The following ZNF197 variants were observed in gnomAD, a reference collection of about 807,000 sequenced individuals.
ZNF197 encodes the protein VHL-associated KRAB-A domain-containing protein.
A neutral mutation model predicts 27.4 loss-of-function variants in ZNF197; 14 were observed. That is an observed-to-expected ratio of 0.51 (90% confidence interval 0.34 to 0.80). The LOEUF (loss-of-function observed/expected upper bound fraction) is 0.80. Among genes scored for constraint, ZNF197 ranks in the 30% least tolerant of loss-of-function variants. ZNF197 has a pLI of 0.02. For missense variants in ZNF197, 1,090 were observed against 1,222.6 expected (o/e 0.89, Z 1.62); for synonymous variants, 415 against 420.0 (o/e 0.99, Z 0.15).
chr3:44,637,901 C>G (rs1446297180), intron 5 of ZNF197, among the ~76,000 whole-genome samples: 2 of 152,182 alleles, frequency 1.3e-5, no homozygotes, highest in South Asian at 4.1e-4. Flanking sequence ...TGTGAGTCTT[C>G]CAACTATGTT....
At position 44,643,183 on chromosome 3, in the gene ZNF197, A is replaced by C. The variant is rs1030961176; in HGVS notation, c.2053A>C (p.Lys685Gln). 1 of 1,613,274 alleles carries C rather than the reference A, an allele frequency of 6.2e-7. No homozygotes were observed. Among genetic ancestry groups the C allele is most frequent in the African/African-American group, 1.3e-5 (1 of 74,960 alleles). ...TCTCTATGAATGTAAAGATTGTGGT[A>C]AGGTCTTCGGTTCAAACAGAAACCT... ...ENLYECKDCG[K>Q]VFGSNRNLID... The change falls in exon 6 of 6, where the codon AAG becomes CAG. Residue 685 changes from lysine (K) to glutamine (Q), a missense_variant. Transcript: ENST00000344387.
chr3:44,643,062 C>T lies in ZNF197; in HGVS notation c.1932C>T (p.His644=), dbSNP rs765961526. The T allele has an allele frequency of 6.2e-6, 10 of 1,614,044 alleles. No individual in the cohort carries two copies. The South Asian group carries it at 1.1e-4, about 18-fold the overall frequency. Residue 644 remains histidine, a synonymous_variant, in exon 6 of 6, where the codon CAC becomes CAT. Coordinates refer to ENST00000344387, the MANE Select transcript of ZNF197 (RefSeq NM_006991.5). ...SAYLFDHQRL[H]NGEKPYECNE... ...ACCTTTTTGACCACCAGAGACTCCA[C>T]AATGGGGAGAAGCCCTATGAATGTA...
In ZNF197 at chr3:44,631,110, G is replaced by A. The variant is rs1232730002; in HGVS notation, c.439G>A (p.Ala147Thr). The A allele has an allele frequency of 2.5e-6, 4 of 1,613,944 alleles. No homozygotes were observed. Among genetic ancestry groups the A allele is most frequent in the Non-Finnish European group, 3.4e-6 (4 of 1,180,034 alleles). ...DQDTLQKVVS[A>T]PGTTLPPVLP... The stretch of plus-strand genomic sequence containing the variant: ...GGACACTCTCCAGAAGGTGGTGAGT[G>A]CCCCAGGAACAACACTTCCTCCTGT... The change falls in exon 3 of 6, where the codon GCC becomes ACC. Residue 147 changes from alanine to threonine, a missense_variant. Coordinates refer to ENST00000344387, the MANE Select transcript of ZNF197 (RefSeq NM_006991.5).
intron 5 of ZNF197, among the ~76,000 whole-genome samples, chr3:44,637,700 C>G (rs757357372): frequency 6.6e-6 from 1 of 152,098 alleles, no homozygotes; most frequent in East Asian, 1.9e-4. Context: ...ATCCCAGGCA[C>G]CATTTGTTGA....
Position 44,644,301 on chromosome 3 carries a change from A to T in ZNF197, c.*81A>T. On this transcript the variant is annotated 3_prime_UTR_variant, in exon 6 of 6. Coordinates refer to ENST00000344387, the MANE Select transcript of ZNF197 (RefSeq NM_006991.5). ...TGATATATATTTCTTCTAAGGAAAAAGTTTATTATTTACTCTTTACTAGAC... is the reference window on the plus strand; with the variant it reads ...TGATATATATTTCTTCTAAGGAAAATGTTTATTATTTACTCTTTACTAGAC... 1 of 1,494,876 alleles carries T rather than the reference A, an allele frequency of 6.7e-7. No homozygotes were observed. The highest frequency in any genetic ancestry group is 8.9e-7 in the Non-Finnish European group (1 of 1,127,728). 92.6% of individuals were successfully genotyped at this position (1,494,876 alleles called of 1,614,324 possible).
Position 44,646,379 on chromosome 3 carries a change from T to C in ZNF197, c.*2159T>C, listed in dbSNP as rs534481333. ...TTTACCTCTTCACCGAGTAACAAAATGTCACATTGCTTAGATTGAGACAGC... is the reference window on the plus strand; with the variant it reads ...TTTACCTCTTCACCGAGTAACAAAACGTCACATTGCTTAGATTGAGACAGC... On this transcript the variant is annotated 3_prime_UTR_variant, in exon 6 of 6. Transcript: ENST00000344387. 4.5e-6 allele frequency: 7 copies of C among 1,568,992 alleles called. No homozygotes were observed. Among genetic ancestry groups the C allele is most frequent in the East Asian group, 4.5e-5 (2 of 44,216 alleles).
intron 4 of ZNF197, 100 bp from the exon 5 acceptor site, chr3:44,632,373 C>G: frequency 1.3e-6 from 2 of 1,518,058 alleles, no homozygotes; most frequent in Admixed American, 1.9e-5. Context: ...CTGTTATGCA[C>G]TCATGGCCTC....
intron 3 of ZNF197, 70 bp downstream of exon 3, chr3:44,631,291 G>T: frequency 6.3e-7 from 1 of 1,584,648 alleles, no homozygotes. Context: ...CCTACTTCCA[G>T]GGAGTTGCTT....
rs1703044514 is a variant in ZNF197, at chr3:44,647,800, G to C, written c.*3580G>C. The C allele has an allele frequency of 6.6e-6, 1 of 152,142 alleles. No homozygotes were observed. The highest frequency in any genetic ancestry group is 1.5e-5 in the Non-Finnish European group (1 of 68,010). 9.4% of individuals were successfully genotyped at this position (152,142 alleles called of 1,614,324 possible). A position where few individuals can be genotyped will look rare whatever the true frequency, so the allele number is the denominator to read the frequency against. On this transcript the variant is annotated 3_prime_UTR_variant, in exon 6 of 6. Coordinates refer to ENST00000344387, the MANE Select transcript of ZNF197 (RefSeq NM_006991.5). ...GGTTGCCAAAGGTTAGGGATGGTGG[G>C]AGGAAAAATGGGGAGAGGGTTGGAT...
At chr3:44,636,126 A>AT in intron 5 of ZNF197, among the ~76,000 whole-genome samples, 1 of 152,076 alleles carries the variant, frequency 6.6e-6, no homozygotes, top group Admixed American at 6.5e-5. Flanking sequence ...AACACGGGGA[A>AT]ACCCCGTCTC....
Position 44,632,587 on chromosome 3 carries a change from G to A in ZNF197, c.757G>A (p.Val253Met), listed in dbSNP as rs1484729992. Residue 253 changes from valine (V) to methionine (M), a missense_variant, in exon 5 of 6, where the codon GTG becomes ATG. Transcript: ENST00000344387. ...TGTGATGCTGGAGAATTATGGAAATGTGACCTCCCTAGGTAAGGATTCTTC... is the reference window on the plus strand; with the variant it reads ...TGTGATGCTGGAGAATTATGGAAATATGACCTCCCTAGGTAAGGATTCTTC... ...WDVMLENYGN[V>M]TSLEWETMTE... The A allele has an allele frequency of 6.3e-6, 10 of 1,580,966 alleles. No homozygotes were observed. The Middle Eastern group carries it at 6.7e-4, about 106-fold the overall frequency.
rs1702935952 is a variant in ZNF197 at position 44,646,028 on chromosome 3, A to G, written c.*1808A>G. On this transcript the variant is annotated 3_prime_UTR_variant, in exon 6 of 6. Transcript: ENST00000344387. ...CAAAGTGGTGTGTTGATTATCATAA[A>G]TGTTATTAATTCAACCCCACAGTTT... is the stretch of plus-strand genomic sequence containing the variant. The G allele has an allele frequency of 1.0e-6, 1 of 985,420 alleles. No individual in the cohort carries two copies. The highest frequency in any genetic ancestry group is 1.2e-6 in the Non-Finnish European group (1 of 829,936). 61.0% of individuals were successfully genotyped at this position (985,420 alleles called of 1,614,324 possible). A position where few individuals can be genotyped will look rare whatever the true frequency, so the allele number is the denominator to read the frequency against.
intron 2 of ZNF197, 140 bp from the exon 3 acceptor site, chr3:44,630,922 G>A (rs1194038190): frequency 1.7e-6 from 2 of 1,150,072 alleles, no homozygotes; most frequent in Admixed American, 3.4e-5. Context: ...AAGCTTTACT[G>A]CTGTTTTGAT....
At chr3:44,627,225 A>G (rs1200869174) in intron 1 of ZNF197, among the ~76,000 whole-genome samples, 1 of 152,244 alleles carries the variant, frequency 6.6e-6, no homozygotes, top group African/African-American at 2.4e-5. Flanking sequence ...ATATATTACT[A>G]TTTTTAAAAA....
rs142935278 is a variant in ZNF197 at position 44,643,553 on chromosome 3, A to G, written c.2423A>G (p.His808Arg). 3.7e-6 allele frequency: 6 copies of G among 1,614,204 alleles called. No individual in the cohort carries two copies. In the African/African-American group the frequency reaches 6.7e-5, roughly 18 times the overall value. The change falls in exon 6 of 6, where the codon CAT becomes CGT. Residue 808 changes from histidine (H) to arginine (R), a missense_variant. By Grantham distance (29) the His-to-Arg change is conservative. Coordinates refer to ENST00000344387, the MANE Select transcript of ZNF197 (RefSeq NM_006991.5). ...ATTCTGAAGAAAAGCCTCATTGGAC[A>G]TCAGAGAATTCACACGAGGGAAAAA... ...CFILKKSLIG[H>R]QRIHTREKSY...
rs1701962278 is a variant in ZNF197, at chr3:44,631,099, A to G, written c.428A>G (p.Lys143Arg). 2 of 1,614,138 alleles carry G rather than the reference A, an allele frequency of 1.2e-6. No individual in the cohort carries two copies. Among genetic ancestry groups the G allele is most frequent in the Non-Finnish European group, 1.7e-6 (2 of 1,180,028 alleles). ...GTCAAGGATCAGGACACTCTCCAGAAGGTGGTGAGTGCCCCAGGAACAACA... is the reference window on the plus strand; with the variant it reads ...GTCAAGGATCAGGACACTCTCCAGAGGGTGGTGAGTGCCCCAGGAACAACA... ...VLVKDQDTLQKVVSAPGTTLP... is the reference protein window; with the variant it reads ...VLVKDQDTLQRVVSAPGTTLP... The change falls in exon 3 of 6, where the codon AAG becomes AGG. Residue 143 changes from lysine to arginine, a missense_variant. Transcript: ENST00000344387.
At position 44,640,720 on chromosome 3, in the gene ZNF197, G is replaced by T. The variant is rs1702552975; in HGVS notation, c.770-1180G>T. The stretch of plus-strand genomic sequence containing the variant: ...CCTCACTGTGAATAAGGAAACTGAA[G>T]TACCAGCATTAGATAGGCTTAAGAC... On this transcript the variant is annotated intron_variant, in intron 5 of 5. Coordinates refer to ENST00000344387, the MANE Select transcript of ZNF197 (RefSeq NM_006991.5). This position sits in a 1 kb window ranked among gnomAD's most constrained non-coding sequence, Gnocchi z 4.0. 6.6e-6 allele frequency among the ~76,000 whole-genome samples: 1 copy of T among 152,152 alleles called. No homozygotes were observed.
rs1185482814 is a variant in ZNF197 at position 44,646,498 on chromosome 3, G to A, written c.*2278G>A. The A allele has an allele frequency of 6.3e-6, 10 of 1,581,212 alleles. No individual in the cohort carries two copies. Among genetic ancestry groups the A allele is most frequent in the Non-Finnish European group, 8.7e-6 (10 of 1,150,110 alleles). On this transcript the variant is annotated 3_prime_UTR_variant, in exon 6 of 6. Transcript: ENST00000344387. ...CTTGGACCTCATTGCCAGGTTACAG[G>A]AAATACAGGAGGCAGAGGAACAAAT...
rs760841768 is a variant in ZNF197 at position 44,646,487 on chromosome 3, C to T, written c.*2267C>T. 1 of 1,599,950 alleles carries T rather than the reference C, an allele frequency of 6.3e-7. No homozygotes were observed. The highest frequency in any genetic ancestry group is 2.2e-5 in the East Asian group (1 of 44,784). On this transcript the variant is annotated 3_prime_UTR_variant, in exon 6 of 6. Transcript: ENST00000344387. ...TAATCAAGCTTCTTGGACCTCATTG[C>T]CAGGTTACAGGAAATACAGGAGGCA...
Sources: gnomAD v4.1 joint callset for allele counts (sites outside exome capture counted in the v4.1 genomes callset) on GRCh38, gnomAD v4.1.1 for gene constraint, Gnocchi (gnomAD v3.1) non-coding constraint, MANE v1.5 for transcripts, NCBI Gene and HGNC (gene_info 2026-07-23, HGNC 2026-07-21) for gene names.